CMPK1: variants seen among roughly 807,000 people sequenced by gnomAD.
CMPK1 encodes the protein UMP-CMP kinase.
CMPK1 carries 10 observed loss-of-function variants against 25.7 expected under a neutral mutation model. The observed-to-expected ratio is 0.39, with a 90% confidence interval of 0.24 to 0.66. CMPK1 has a LOEUF of 0.66. Ranked by LOEUF, CMPK1 falls within the 30% of genes least tolerant of loss-of-function variation. The pLI, the probability that CMPK1 is intolerant of heterozygous loss-of-function variation, is 0.48. For synonymous variants in CMPK1, 106 were observed against 101.5 expected (o/e 1.04, Z -0.27); for missense variants, 199 against 280.5 (o/e 0.71, Z 2.08).
At chr1:47,342,506 A>C (rs1208126076) in intron 1 of CMPK1, among the ~76,000 whole-genome samples, 2 of 152,170 alleles carry the variant, frequency 1.3e-5, no homozygotes, top group African/African-American at 4.8e-5. Context: ...AGTCAAGTTG[A>C]CACCAAAAAT....
intron 1 of CMPK1, among the ~76,000 whole-genome samples, chr1:47,347,020 T>A (rs1646489954): frequency 6.7e-6 from 1 of 149,360 alleles, no homozygotes; most frequent in South Asian, 2.1e-4. Context: ...TAACCTCAGA[T>A]GATCCACCCG....
intron 1 of CMPK1, among the ~76,000 whole-genome samples, chr1:47,341,555 G>T (rs1646440986): frequency 6.6e-6 from 1 of 152,118 alleles, no homozygotes; most frequent in East Asian, 1.9e-4. Context: ...TTTTAGCAGA[G>T]ACAGTGTTTC....
chr1:47,368,139 G>C (rs1646652203), intron 1 of CMPK1, among the ~76,000 whole-genome samples: 1 of 151,844 alleles, frequency 6.6e-6, no homozygotes, highest in African/African-American at 2.4e-5. Flanking sequence ...TAGAGAGATG[G>C]GGTTTCACCA....
Position 47,376,697 on chromosome 1 carries a change from T to A in CMPK1, c.646-7T>A, listed in dbSNP as rs1242150280. 1 of 1,557,874 alleles carries A rather than the reference T, an allele frequency of 6.4e-7. No homozygotes were observed. Among genetic ancestry groups the A allele is most frequent in the East Asian group, 2.3e-5 (1 of 44,262 alleles). ...TTTAAAATTATTATCATCTTTTTCCTTTACAGGTTTTTGATGAAGTTGTGC... is the reference window on the plus strand; with the variant it reads ...TTTAAAATTATTATCATCTTTTTCCATTACAGGTTTTTGATGAAGTTGTGC... On this transcript the variant is annotated splice_region_variant and splice_polypyrimidine_tract_variant and intron_variant, in intron 5 of 5. Transcript: ENST00000371873.
chr1:47,370,919 T>G (rs1348154546), intron 2 of CMPK1, among the ~76,000 whole-genome samples: 1 of 151,868 alleles, frequency 6.6e-6, no homozygotes, highest in Non-Finnish European at 1.5e-5. Context: ...ATCGCACCAT[T>G]GTACTCCAGC....
At chr1:47,343,764 T>C (rs563198703) in intron 1 of CMPK1, among the ~76,000 whole-genome samples, 1 of 151,498 alleles carries the variant, frequency 6.6e-6, no homozygotes, top group East Asian at 2.0e-4. Flanking sequence ...GGCGGGCGCC[T>C]GTAGTCCAGC....
intron 1 of CMPK1, among the ~76,000 whole-genome samples, chr1:47,343,652 G>T (rs1056419900): frequency 1.3e-5 from 2 of 152,094 alleles, no homozygotes; most frequent in Admixed American, 1.3e-4. Flanking sequence ...AGTGGCTCAT[G>T]CCTGTAATCC....
intron 1 of CMPK1, among the ~76,000 whole-genome samples, chr1:47,354,276 C>T (rs532310668): frequency 6.6e-6 from 1 of 152,174 alleles, no homozygotes; most frequent in Non-Finnish European, 1.5e-5. Flanking sequence ...CTGCAGTGAG[C>T]TGTGATTGTG....
intron 2 of CMPK1, among the ~76,000 whole-genome samples, chr1:47,370,867 C>G (rs1298812333): frequency 6.6e-6 from 1 of 151,574 alleles, no homozygotes; most frequent in African/African-American, 2.4e-5. Context: ...AGGAGAATTG[C>G]TTGAACCAAG....
At chr1:47,372,182 C>T (rs964465591) in intron 2 of CMPK1, among the ~76,000 whole-genome samples, 1 of 151,920 alleles carries the variant, frequency 6.6e-6, no homozygotes, top group Non-Finnish European at 1.5e-5. Context: ...AAACCTCCAC[C>T]TCCTGGGTTC....
rs539046994 is a variant in CMPK1 at position 47,348,893 on chromosome 1, C to T, written c.171+14777C>T. The stretch of plus-strand genomic sequence containing the variant: ...TTGGTGCCTACTGGGAGTATAGAGA[C>T]AGCAAAGATGTTTTGATTGTATAAT... On this transcript the variant is annotated intron_variant, in intron 1 of 5. Transcript: ENST00000371873. Among the ~76,000 whole-genome samples the T allele has an allele frequency of 1.8e-4, 27 of 152,248 alleles. 1 individual carries two copies. In the Middle Eastern group the frequency reaches 0.02, roughly 115 times the overall value.
intron 5 of CMPK1, among the ~76,000 whole-genome samples, chr1:47,375,569 T>C (rs1646702702): frequency 6.6e-6 from 1 of 152,066 alleles, no homozygotes; most frequent in Non-Finnish European, 1.5e-5. Flanking sequence ...AAACCTAAAA[T>C]GAGGTTTATA....
chr1:47,358,097 A>G (rs188133171), intron 1 of CMPK1, among the ~76,000 whole-genome samples: 28 of 123,204 alleles, frequency 2.3e-4, no homozygotes, highest in African/African-American at 8.7e-4. Context: ...GTGCTGTCAT[A>G]GTAGGTCTTT....
chr1:47,337,318 A>G (rs1646406255), intron 1 of CMPK1, among the ~76,000 whole-genome samples: 1 of 151,888 alleles, frequency 6.6e-6, no homozygotes, highest in Non-Finnish European at 1.5e-5. Flanking sequence ...AAATACATAA[A>G]TGAAATAATC....
At chr1:47,350,741 AAAAAG>A (rs1413215277) in intron 1 of CMPK1, among the ~76,000 whole-genome samples, 2 of 151,980 alleles carry the variant, frequency 1.3e-5, no homozygotes, top group African/African-American at 2.4e-5. Context: ...AAAAATGCAA[AAAAAG>A]AAAAGAAAAA....
intron 1 of CMPK1, chr1:47,358,467 A>G: frequency 8.6e-7 from 1 of 1,168,058 alleles, no homozygotes; most frequent in Non-Finnish European, 1.1e-6. Context: ...ACATCTAATA[A>G]TGATATTTTG....
chr1:47,339,701 CTTTTTTTTT>C (rs71053104), intron 1 of CMPK1, among the ~76,000 whole-genome samples: 36,353 of 110,330 alleles, frequency 0.33, 5,344 homozygotes, highest in Middle Eastern at 0.48. Context: ...TCTTCCTTTC[CTTTTTTTTT>C]TTTTTTTTTT....
chr1:47,336,703 T>C (rs1406253726), intron 1 of CMPK1, among the ~76,000 whole-genome samples: 1 of 152,144 alleles, frequency 6.6e-6, no homozygotes, highest in Non-Finnish European at 1.5e-5. Flanking sequence ...TTTTTCAGGT[T>C]TTTGTAGAAA....
chr1:47,375,405 A>G (rs1433713837), intron 5 of CMPK1, 112 bp downstream of exon 5: 1 of 688,466 alleles, frequency 1.5e-6, no homozygotes, highest in Admixed American at 3.4e-5. Context: ...TAGTTTTTCA[A>G]GACACTGGAA....
Sources: gnomAD v4.1 joint callset for allele counts (sites outside exome capture counted in the v4.1 genomes callset) on GRCh38, gnomAD v4.1.1 for gene constraint, MANE v1.5 for transcripts, NCBI Gene and HGNC (gene_info 2026-07-23, HGNC 2026-07-21) for gene names.